The following ZNF341 variants were observed in gnomAD, a reference collection of about 807,000 sequenced individuals.
The protein encoded by ZNF341 is zinc finger protein 341.
Under a neutral mutation model 87.7 loss-of-function variants are expected in ZNF341, and 52 were observed. The observed-to-expected ratio is 0.59, with a 90% confidence interval of 0.47 to 0.75. The LOEUF is 0.75. Among genes scored for constraint, ZNF341 ranks in the 30% least tolerant of loss-of-function variants. ZNF341 has a pLI of 0.00. For synonymous variants in ZNF341, 459 were observed against 472.7 expected, an observed-to-expected ratio of 0.97 and a Z score of 0.38; for missense variants, 977 against 1,145.9, an observed-to-expected ratio of 0.85 and a Z score of 2.13.
intron 3 of ZNF341, among the ~76,000 whole-genome samples, chr20:33,746,928 G>T (rs2018939022): frequency 6.6e-6 from 1 of 152,150 alleles, no homozygotes; most frequent in South Asian, 2.1e-4. Context: ...GTTCAGCTGG[G>T]CACGTTGAAG....
intron 10 of ZNF341, among the ~76,000 whole-genome samples, chr20:33,775,807 C>G (rs1348987626): frequency 6.6e-6 from 1 of 151,876 alleles, no homozygotes; most frequent in Non-Finnish European, 1.5e-5. Flanking sequence ...TCAAACAATC[C>G]ATCCCCCTCA....
At chr20:33,735,605 A>G (rs143644944) in intron 1 of ZNF341, among the ~76,000 whole-genome samples, 159 of 152,356 alleles carry the variant, frequency 1.0e-3, no homozygotes, top group African/African-American at 3.7e-3. Context: ...GGCATGAGGC[A>G]CTGTACCCAC....
chr20:33,738,979 T>C (rs2018749652), intron 1 of ZNF341, among the ~76,000 whole-genome samples: 1 of 152,204 alleles, frequency 6.6e-6, no homozygotes, highest in Admixed American at 6.5e-5. Flanking sequence ...TTTTATTTTA[T>C]TTTATTTTTG....
chr20:33,776,631 C>A (rs1013253424), intron 10 of ZNF341, among the ~76,000 whole-genome samples: 1 of 152,192 alleles, frequency 6.6e-6, no homozygotes, highest in Non-Finnish European at 1.5e-5. Context: ...AGCGGTCCAC[C>A]TGCCTTGTTC....
intron 2 of ZNF341, among the ~76,000 whole-genome samples, chr20:33,743,727 G>T (rs1425073860): frequency 6.6e-6 from 1 of 152,190 alleles, no homozygotes; most frequent in East Asian, 1.9e-4. Context: ...CCACATGTTG[G>T]GTGCTTGACA....
chr20:33,751,896 G>T (rs934742108), intron 4 of ZNF341, among the ~76,000 whole-genome samples: 1 of 152,118 alleles, frequency 6.6e-6, no homozygotes, highest in African/African-American at 2.4e-5. Context: ...TTAGGGATTG[G>T]TCATGTAGGT....
In ZNF341 at chr20:33,748,909, C is replaced by T. The variant is rs374699114; in HGVS notation, c.340-14C>T. The T allele has an allele frequency of 1.2e-6, 2 of 1,605,668 alleles. No individual in the cohort carries two copies. Among genetic ancestry groups the T allele is most frequent in the African/African-American group, 1.3e-5 (1 of 74,802 alleles). Reference sequence around the variant, plus strand: ...TCTCTCCGTCTCACTCATTCTCTCTCTCCCACTGTCCAGATCTCCACATAC... The same window carrying T: ...TCTCTCCGTCTCACTCATTCTCTCTTTCCCACTGTCCAGATCTCCACATAC... On this transcript the variant is annotated splice_polypyrimidine_tract_variant and intron_variant, in intron 3 of 14. Transcript: ENST00000375200.
intron 8 of ZNF341, among the ~76,000 whole-genome samples, chr20:33,762,699 C>G (rs983534218): frequency 2.0e-5 from 3 of 152,016 alleles, no homozygotes; most frequent in Non-Finnish European, 4.4e-5. Context: ...CCCAGCCCCC[C>G]GACAGGCCCT....
At chr20:33,761,486 A>T (rs183522070) in intron 7 of ZNF341, among the ~76,000 whole-genome samples, 160 of 152,228 alleles carry the variant, frequency 1.1e-3, no homozygotes, top group African/African-American at 3.7e-3. Context: ...CTGGTCTCGA[A>T]CTCCTGACCT....
intron 8 of ZNF341, among the ~76,000 whole-genome samples, chr20:33,765,280 A>T (rs929784304): frequency 6.6e-6 from 1 of 152,050 alleles, no homozygotes; most frequent in Non-Finnish European, 1.5e-5. Flanking sequence ...TGGGAAAGCA[A>T]TGTGTGACCA....
Position 33,761,897 on chromosome 20 carries a change from G to A in ZNF341, c.1064G>A (p.Cys355Tyr). 6.3e-7 allele frequency: 1 copy of A among 1,586,886 alleles called. No homozygotes were observed. The highest frequency in any genetic ancestry group is 8.6e-7 in the Non-Finnish European group (1 of 1,160,286). Residue 355 changes from cysteine (C) to tyrosine (Y), a missense_variant, in exon 8 of 15, where the codon TGT (cysteine) becomes TAT (tyrosine). By Grantham distance (194) the Cys-to-Tyr change is radical. Coordinates refer to ENST00000375200, the MANE Select transcript of ZNF341 (RefSeq NM_001282933.2). ...GAGAAGCCCTTCCAGTGCATTGCATGTGGCCGTGCCTTTGCCCAGAAGTCT... is the reference window on the plus strand; with the variant it reads ...GAGAAGCCCTTCCAGTGCATTGCATATGGCCGTGCCTTTGCCCAGAAGTCT... Reference protein sequence around the residue: ...TGEKPFQCIACGRAFAQKSNV... With the variant: ...TGEKPFQCIAYGRAFAQKSNV...
chr20:33,783,648 G>T (rs903700094), intron 11 of ZNF341, 84 bp from the exon 12 acceptor site: 1 of 1,597,714 alleles, frequency 6.3e-7, no homozygotes, highest in African/African-American at 1.3e-5. Flanking sequence ...ATAGGGGCTG[G>T]AAACGAGGAA....
In ZNF341 at chr20:33,757,163, G is replaced by A. The variant is rs2019192549; in HGVS notation, c.757G>A (p.Val253Met). Reference sequence around the variant, plus strand: ...GTCCTCCTAGGTGCCAAACCAGTGTGTGGAGCCTCCAGTATATCCCACCCC... The same window carrying A: ...GTCCTCCTAGGTGCCAAACCAGTGTATGGAGCCTCCAGTATATCCCACCCC... ...YPPLEVPNQC[V>M]EPPVYPTPTV... Residue 253 changes from valine (V) to methionine (M), a missense_variant, in exon 6 of 15, where the codon GTG becomes ATG. Val to Met is a conservative substitution (Grantham distance 21, BLOSUM62 1). Around this residue, in one of 3 missense-constraint regions of ZNF341, gnomAD observed 515 missense variants for 598.2 expected, o/e 0.86. Coordinates refer to ENST00000375200, the MANE Select transcript of ZNF341 (RefSeq NM_001282933.2). 1 of 1,455,390 alleles carries A rather than the reference G, an allele frequency of 6.9e-7. No homozygotes were observed. The highest frequency in any genetic ancestry group is 9.1e-7 in the Non-Finnish European group (1 of 1,099,448). The allele number at this position is 1,455,390 out of a possible 1,614,324, so 90.2% of individuals were successfully genotyped here. A position where few individuals can be genotyped will look rare whatever the true frequency, so the allele number is the denominator to read the frequency against.
chr20:33,733,379 C>A (rs553513948), intron 1 of ZNF341, among the ~76,000 whole-genome samples: 43 of 151,232 alleles, frequency 2.8e-4, no homozygotes, highest in African/African-American at 9.1e-4. Flanking sequence ...CAGGCATCCG[C>A]CACCACGCCC....
intron 10 of ZNF341, among the ~76,000 whole-genome samples, chr20:33,774,049 G>A (rs1264391076): frequency 6.6e-6 from 1 of 151,290 alleles, no homozygotes; most frequent in Non-Finnish European, 1.5e-5. Flanking sequence ...GGAGTCCGAG[G>A]AGGGCAGATC....
rs541561212 is a variant in ZNF341, at chr20:33,766,596, G to A, written c.1223-255G>A. ...CCATGGAGAGGTCTACAGTGTCTGA[G>A]GGGAAGGCCAGAGAGGGGAGGCTCG... On this transcript the variant is annotated intron_variant, in intron 8 of 14. Coordinates refer to ENST00000375200, the MANE Select transcript of ZNF341 (RefSeq NM_001282933.2). Among the ~76,000 whole-genome samples the A allele has an allele frequency of 3.3e-5, 5 of 152,268 alleles. No homozygotes were observed. The East Asian group carries it at 9.6e-4, about 29-fold the overall frequency.
At chr20:33,734,579 G>A (rs917700357) in intron 1 of ZNF341, among the ~76,000 whole-genome samples, 1 of 152,190 alleles carries the variant, frequency 6.6e-6, no homozygotes, top group Admixed American at 6.5e-5. Flanking sequence ...AGTGGGTTGA[G>A]GGAAGACCCA....
At chr20:33,754,918 A>G (rs2019144161) in intron 5 of ZNF341, among the ~76,000 whole-genome samples, 1 of 152,142 alleles carries the variant, frequency 6.6e-6, no homozygotes, top group Non-Finnish European at 1.5e-5. Context: ...GCCTTGAGTG[A>G]TGGCTGAATT....
intron 1 of ZNF341, among the ~76,000 whole-genome samples, chr20:33,736,925 C>G (rs2018699714): frequency 1.3e-5 from 2 of 151,964 alleles, no homozygotes; most frequent in Admixed American, 1.3e-4. Flanking sequence ...GTGAGAGAGT[C>G]CAGACAAAGG....
Sources: gnomAD v4.1 joint callset for allele counts (sites outside exome capture counted in the v4.1 genomes callset) on GRCh38, gnomAD v4.1.1 for gene constraint, gnomAD v4.1.1 regional missense constraint, MANE v1.5 for transcripts, NCBI Gene and HGNC (gene_info 2026-07-23, HGNC 2026-07-21) for gene names.